Variants in BCR observed in about 807,000 individuals in gnomAD.
BCR encodes BCR activator of RhoGEF and GTPase, also known as breakpoint cluster region protein.
In BCR, 58 loss-of-function variants were observed where a neutral mutation model predicts 138.6. The ratio of observed to expected loss-of-function variants is 0.42; its 90% CI spans 0.34 to 0.52. The LOEUF (loss-of-function observed/expected upper bound fraction) is 0.52, where lower values mean the gene tolerates loss of function less well. Ranked by LOEUF, BCR falls within the 20% of genes least tolerant of loss-of-function variation. The pLI is 0.06. For synonymous variants in BCR, 786 were observed against 730.1 expected (o/e 1.08, Z -1.23); for missense variants, 1,599 against 1,727.2 (o/e 0.93, Z 1.32).
intron 1 of BCR, among the ~76,000 whole-genome samples, chr22:23,201,046 A>G (rs1233634438): frequency 2.0e-5 from 3 of 152,236 alleles, no homozygotes; most frequent in African/African-American, 7.2e-5. Flanking sequence ...TGCTAAGCCC[A>G]AAGAACAGAG....
At chr22:23,299,359 C>A (rs1020159275) in intron 16 of BCR, among the ~76,000 whole-genome samples, 1 of 152,166 alleles carries the variant, frequency 6.6e-6, no homozygotes, top group South Asian at 2.1e-4. Flanking sequence ...TCATTCGTCT[C>A]GGAATGCCCC....
intron 1 of BCR, among the ~76,000 whole-genome samples, chr22:23,243,333 G>C (rs554003818): frequency 1.3e-5 from 2 of 152,258 alleles, no homozygotes; most frequent in East Asian, 3.9e-4. Flanking sequence ...GGTGGAGATT[G>C]AATTGATCAC....
chr22:23,253,673 AC>A (rs2073258278), intron 1 of BCR, 125 bp from the exon 2 acceptor site: 8 of 1,113,176 alleles, frequency 7.2e-6, no homozygotes, highest in Non-Finnish European at 1.0e-5. Flanking sequence ...ACGTCAGCAT[AC>A]CCGAGGTCGT....
chr22:23,184,343 A>C (rs2072311178), intron 1 of BCR, among the ~76,000 whole-genome samples: 1 of 151,894 alleles, frequency 6.6e-6, no homozygotes, highest in African/African-American at 2.4e-5. Context: ...CTCTAGCTTC[A>C]GCCTCCTGAG....
At chr22:23,294,715 C>G (rs996446564) in intron 15 of BCR, among the ~76,000 whole-genome samples, 4 of 152,184 alleles carry the variant, frequency 2.6e-5, no homozygotes, top group Admixed American at 2.6e-4. Context: ...AATATCTTAA[C>G]AAGTACCCTG....
chr22:23,286,402 G>T (rs2146302395), intron 10 of BCR, among the ~76,000 whole-genome samples: 1 of 152,318 alleles, frequency 6.6e-6, no homozygotes, highest in South Asian at 2.1e-4. Flanking sequence ...CCAGCCTGCT[G>T]TACCCAAACC....
chr22:23,253,713 G>A (rs1182511118), intron 1 of BCR, 86 bp from the exon 2 acceptor site: 2 of 1,480,174 alleles, frequency 1.4e-6, no homozygotes, highest in African/African-American at 1.4e-5. Flanking sequence ...GACAGAGATG[G>A]TGTCAGCTGG....
At chr22:23,227,093 A>C (rs542360123) in intron 1 of BCR, among the ~76,000 whole-genome samples, 1 of 152,178 alleles carries the variant, frequency 6.6e-6, no homozygotes, top group Admixed American at 6.5e-5. Flanking sequence ...AAACCATGCA[A>C]ATATGGAGCT....
intron 18 of BCR, among the ~76,000 whole-genome samples, chr22:23,311,372 G>A (rs1221349928): frequency 6.6e-6 from 1 of 151,094 alleles, no homozygotes; most frequent in African/African-American, 2.4e-5. Context: ...CGGGGGTACA[G>A]GCTGCTAACC....
intron 1 of BCR, among the ~76,000 whole-genome samples, chr22:23,207,326 C>G (rs145989228): frequency 1.4e-4 from 21 of 152,176 alleles, no homozygotes; most frequent in African/African-American, 5.1e-4. Context: ...AGAGGATGGC[C>G]CATTAGTTGG....
intron 3 of BCR, 115 bp downstream of exon 3, chr22:23,261,169 T>A (rs2073351913): frequency 1.6e-6 from 2 of 1,250,886 alleles, no homozygotes. Context: ...CAGCTCGCCA[T>A]CCCTGGAGTG....
chr22:23,254,575 C>CT (rs759515110), intron 2 of BCR: 1 of 518,932 alleles, frequency 1.9e-6, no homozygotes, highest in Admixed American at 1.9e-5. Flanking sequence ...CCACGCCCCC[C>CT]CTCACATGAG....
At chr22:23,223,092 T>TA (rs760048252) in intron 1 of BCR, among the ~76,000 whole-genome samples, 1 of 152,216 alleles carries the variant, frequency 6.6e-6, no homozygotes, top group Non-Finnish European at 1.5e-5. Context: ...GTTCCACCCT[T>TA]ACGACCTCAT....
intron 1 of BCR, among the ~76,000 whole-genome samples, chr22:23,209,359 C>CA (rs111327033): frequency 0.066 from 9,820 of 149,246 alleles, 1,057 homozygotes; most frequent in African/African-American, 0.23. Context: ...GACTCTGTCT[C>CA]AAAAAAAAAG....
chr22:23,247,953 CCTT>C (rs1285330171), intron 1 of BCR, among the ~76,000 whole-genome samples: 3 of 152,178 alleles, frequency 2.0e-5, no homozygotes. Flanking sequence ...TGTGCTTCTC[CCTT>C]CTTCTGTCAG....
intron 1 of BCR, among the ~76,000 whole-genome samples, chr22:23,191,129 C>A (rs2072408303): frequency 1.3e-5 from 2 of 152,088 alleles, no homozygotes; most frequent in South Asian, 4.1e-4. Flanking sequence ...CAGGGTCTTG[C>A]TTTGTTGCCC....
chr22:23,204,091 G>A lies in BCR; in HGVS notation c.1279+21852G>A, dbSNP rs189402505. Among the ~76,000 whole-genome samples the A allele has an allele frequency of 4.1e-4, 63 of 152,280 alleles. No homozygotes were observed. In the East Asian group the frequency reaches 9.9e-3, roughly 24 times the overall value. On this transcript the variant is annotated intron_variant, in intron 1 of 22. Transcript: ENST00000305877. ...CAGCATGGTGTCATGGGCTTGGGGAGGAAAGGAGAGGAATGGCCCCTTCTT... is the reference window on the plus strand; with the variant it reads ...CAGCATGGTGTCATGGGCTTGGGGAAGAAAGGAGAGGAATGGCCCCTTCTT...
intron 1 of BCR, among the ~76,000 whole-genome samples, chr22:23,193,800 G>T (rs2072444207): frequency 6.6e-6 from 1 of 152,216 alleles, no homozygotes; most frequent in African/African-American, 2.4e-5. Flanking sequence ...CTGTGGAGGA[G>T]TGACAGGAAC....
chr22:23,228,715 T>C (rs1030686815), intron 1 of BCR, among the ~76,000 whole-genome samples: 3 of 152,210 alleles, frequency 2.0e-5, no homozygotes, highest in African/African-American at 7.2e-5. Flanking sequence ...TGATGGGAAA[T>C]CTACAGTTAC....
Sources: allele counts gnomAD v4.1 joint callset (sites outside exome capture counted in the v4.1 genomes callset), GRCh38; gene constraint gnomAD v4.1.1; transcripts MANE v1.5; gene names NCBI Gene and HGNC (gene_info 2026-07-23, HGNC 2026-07-21).